EMC8: variants seen among roughly 807,000 people sequenced by gnomAD.
The protein encoded by EMC8 is ER membrane protein complex subunit 8, also known as COX4 neighbor.
A neutral mutation model predicts 24.3 loss-of-function variants in EMC8; 11 were observed. That is an observed-to-expected ratio of 0.45 (90% CI 0.28 to 0.75). EMC8 has a LOEUF of 0.75. EMC8 is among the 30% of genes least tolerant of loss of function. EMC8 has a pLI of 0.12. For missense variants in EMC8, 277 were observed against 282.7 expected (o/e 0.98, Z 0.14); for synonymous variants, 145 against 117.7 (o/e 1.23, Z -1.50).
At chr16:85,790,296 A>G (rs924647613) in intron 1 of EMC8, among the ~76,000 whole-genome samples, 2 of 152,152 alleles carry the variant, frequency 1.3e-5, no homozygotes, top group African/African-American at 4.8e-5. Context: ...TTACAGTCCA[A>G]GGGTCCCTGC....
At chr16:85,786,998 C>A (rs141941584) in intron 2 of EMC8, among the ~76,000 whole-genome samples, 71 of 152,252 alleles carry the variant, frequency 4.7e-4, no homozygotes, top group African/African-American at 1.6e-3. Context: ...CTTGCCCAGT[C>A]TCCTCTCCCT....
rs947271695 is a variant in EMC8, at chr16:85,788,950, A to G, written c.308+24T>C. ...CCAACACGTGCTCACTTCCTCGCCC[A>G]CAGAGGGTTCTGCATCCACGTACCT... On this transcript the variant is annotated intron_variant, in intron 2 of 4. Transcript: ENST00000253457. 4 of 1,579,744 alleles carry G rather than the reference A, an allele frequency of 2.5e-6. No homozygotes were observed. In the African/African-American group the frequency reaches 5.4e-5, roughly 21 times the overall value.
At chr16:85,795,476 T>C (rs1052265223) in intron 1 of EMC8, among the ~76,000 whole-genome samples, 3 of 152,172 alleles carry the variant, frequency 2.0e-5, no homozygotes, top group African/African-American at 4.8e-5. Flanking sequence ...TCAGGGGCGC[T>C]AGGACCCCAC....
In EMC8 at chr16:85,799,486, T is replaced by C. The variant is rs896610788; in HGVS notation, c.-191A>G. ...GGCTCCTGGAAAAGCGACTCGCGCC[T>C]CTGGGAAGCCGCAGCCCCAGACTCC... On this transcript the variant is annotated 5_prime_UTR_variant, in exon 1 of 5. Transcript: ENST00000253457. The surrounding 1 kb of genome is among the most constrained non-coding windows in gnomAD (Gnocchi z 4.2). 2.5e-6 allele frequency: 1 copy of C among 400,012 alleles called. No homozygotes were observed. Among genetic ancestry groups the C allele is most frequent in the African/African-American group, 2.1e-5 (1 of 47,758 alleles). The allele number at this position is 400,012 out of a possible 1,614,324, so 24.8% of individuals were successfully genotyped here.
chr16:85,790,728 C>A (rs999729926), intron 1 of EMC8, among the ~76,000 whole-genome samples: 4 of 152,160 alleles, frequency 2.6e-5, no homozygotes, highest in Non-Finnish European at 5.9e-5. Context: ...TGTCCCTATC[C>A]CTGCTCTCCA....
In EMC8 at chr16:85,799,200, G is replaced by A. The variant is rs148066312; in HGVS notation, c.96C>T (p.Ala32=). The change falls in exon 1 of 5, where the codon GCC becomes GCT. Residue 32 remains alanine, a synonymous_variant. Coordinates refer to ENST00000253457, the MANE Select transcript of EMC8 (RefSeq NM_006067.5). This position sits in a 1 kb window ranked among gnomAD's most constrained non-coding sequence, Gnocchi z 4.2. ...PHCAVNGLLV[A]EKQKPRKEHL... ...GCTCCTTACGCGGCTTCTGCTTCTC[G>A]GCCACCAGGAGCCCGTTGACGGCGC... 3.1e-6 allele frequency: 5 copies of A among 1,613,260 alleles called. No individual in the cohort carries two copies. Among genetic ancestry groups the A allele is most frequent in the Non-Finnish European group, 4.2e-6 (5 of 1,179,870 alleles).
intron 2 of EMC8, chr16:85,788,768 A>G (rs1433779807): frequency 1.7e-6 from 1 of 589,470 alleles, no homozygotes; most frequent in Non-Finnish European, 3.0e-6. Context: ...GACACAAAAC[A>G]GAATTCCAAA....
At chr16:85,793,865 G>A (rs769667381) in intron 1 of EMC8, among the ~76,000 whole-genome samples, 6 of 152,152 alleles carry the variant, frequency 3.9e-5, no homozygotes, top group Admixed American at 6.5e-5. Context: ...CACTACCTAC[G>A]TCAAAGGGTT....
At position 85,793,485 on chromosome 16, in the gene EMC8, G is replaced by A. The variant is rs1362133530; in HGVS notation, c.232-4435C>T. Among the ~76,000 whole-genome samples the A allele has an allele frequency of 2.0e-5, 3 of 152,308 alleles. No homozygotes were observed. In the East Asian group the frequency reaches 5.8e-4, roughly 29 times the overall value. On this transcript the variant is annotated intron_variant, in intron 1 of 4. Transcript: ENST00000253457. ...CAATGGGACCGAGATAGAGGGTGAA[G>A]TTCAGGGGGAAGAACTCAAAGGGGG...
chr16:85,790,442 C>A (rs1904951441), intron 1 of EMC8, among the ~76,000 whole-genome samples: 1 of 152,138 alleles, frequency 6.6e-6, no homozygotes, highest in African/African-American at 2.4e-5. Flanking sequence ...TGTAAAATAT[C>A]TATAATGGTG....
At chr16:85,792,132 T>C (rs1379913689) in intron 1 of EMC8, among the ~76,000 whole-genome samples, 2 of 145,878 alleles carry the variant, frequency 1.4e-5, no homozygotes, top group African/African-American at 5.6e-5. Context: ...TAAACACATA[T>C]GGTATCACCT....
In EMC8 at chr16:85,780,314, A is replaced by T. The variant is rs1488509819; in HGVS notation, c.473+65T>A. 2.6e-6 allele frequency: 3 copies of T among 1,146,592 alleles called. No individual in the cohort carries two copies. In the Admixed American group the frequency reaches 5.2e-5, roughly 20 times the overall value. The allele number at this position is 1,146,592 out of a possible 1,614,324, so 71.0% of individuals were successfully genotyped here. On this transcript the variant is annotated intron_variant, in intron 4 of 4. Coordinates refer to ENST00000253457, the MANE Select transcript of EMC8 (RefSeq NM_006067.5). ...TAACTGAAAACACAGGCGGGGTGAG[A>T]GTGGCTCTCACGTGGCCGGGCGCTG...
In EMC8 at chr16:85,779,671, G is replaced by A. The variant is rs1342256694; in HGVS notation, c.*37C>T. On this transcript the variant is annotated 3_prime_UTR_variant, in exon 5 of 5. Coordinates refer to ENST00000253457, the MANE Select transcript of EMC8 (RefSeq NM_006067.5). ...AAAATAGGTTTTCTTCTTCAACGTA[G>A]TGGAAAGGCCCGGAGCCCAGTCACA... The A allele has an allele frequency of 1.2e-6, 2 of 1,600,536 alleles. No homozygotes were observed. Among genetic ancestry groups the A allele is most frequent in the Middle Eastern group, 1.7e-4 (1 of 6,036 alleles).
At chr16:85,788,641 C>G (rs907142922) in intron 2 of EMC8, among the ~76,000 whole-genome samples, 1 of 152,242 alleles carries the variant, frequency 6.6e-6, no homozygotes, top group Non-Finnish European at 1.5e-5. Flanking sequence ...TCCCAGTGCT[C>G]TGCCCAACAC....
intron 4 of EMC8, chr16:85,780,128 C>T (rs1567825083): frequency 3.3e-6 from 2 of 599,752 alleles, no homozygotes; most frequent in Non-Finnish European, 5.9e-6. Context: ...GCCACAGATA[C>T]ATCAAAGCAC....
intron 1 of EMC8, among the ~76,000 whole-genome samples, chr16:85,794,762 C>T (rs1402451918): frequency 6.6e-6 from 1 of 152,122 alleles, no homozygotes; most frequent in Admixed American, 6.6e-5. Context: ...GTAGTTACCG[C>T]AGGGAGTCAA....
intron 1 of EMC8, among the ~76,000 whole-genome samples, chr16:85,798,334 C>T: frequency 6.6e-6 from 1 of 151,950 alleles, no homozygotes; most frequent in East Asian, 1.9e-4. Context: ...GTTGGTCAGG[C>T]TGGTCTCAAA....
At chr16:85,788,905 A>T (rs1305714851) in intron 2 of EMC8, 69 bp downstream of exon 2, 1 of 1,132,624 alleles carries the variant, frequency 8.8e-7, no homozygotes, top group East Asian at 2.3e-5. Context: ...GCCGAAAAGC[A>T]CACGAGAGAC....
At chr16:85,781,094 G>A (rs1597198719) in intron 3 of EMC8, 117 bp downstream of exon 3, 2 of 719,708 alleles carry the variant, frequency 2.8e-6, no homozygotes, top group Non-Finnish European at 4.9e-6. Context: ...GGCGGCAATG[G>A]TCTCAAGCAG....
Sources: allele counts gnomAD v4.1 joint callset (sites outside exome capture counted in the v4.1 genomes callset), GRCh38; gene constraint gnomAD v4.1.1; non-coding constraint Gnocchi (gnomAD v3.1); transcripts MANE v1.5; gene names NCBI Gene and HGNC (gene_info 2026-07-23, HGNC 2026-07-21).